Variants in GCNT1 observed in about 807,000 individuals in gnomAD.
GCNT1 encodes the protein beta-1,3-galactosyl-O-glycosyl-glycoprotein beta-1,6-N-acetylglucosaminyltransferase.
In GCNT1, 16 loss-of-function variants were observed where a neutral mutation model predicts 26.2. The ratio of observed to expected loss-of-function variants is 0.61; its 90% CI spans 0.41 to 0.93. The LOEUF is 0.93. Ranked by LOEUF, GCNT1 falls within the 40% of genes least tolerant of loss-of-function variation. The probability of loss-of-function intolerance (pLI) is 0.00; values close to 1 mark genes in which losing one functional copy is unlikely to be tolerated. For missense variants in GCNT1, 477 were observed against 526.7 expected (o/e 0.91, Z 0.92); for synonymous variants, 183 against 190.8 (o/e 0.96, Z 0.34).
At chr9:76,491,558 C>G (rs933167996) in intron 2 of GCNT1, among the ~76,000 whole-genome samples, 1 of 152,208 alleles carries the variant, frequency 6.6e-6, no homozygotes, top group Non-Finnish European at 1.5e-5. Flanking sequence ...ACTGGTTCTG[C>G]TAACTGGGCG....
At chr9:76,424,424 G>C (rs1235378643) in intron 1 of GCNT1, among the ~76,000 whole-genome samples, 1 of 152,136 alleles carries the variant, frequency 6.6e-6, no homozygotes, top group East Asian at 1.9e-4. Context: ...AAAAGACCTA[G>C]GTCCATTTTC....
In GCNT1 at chr9:76,464,070, A is replaced by T. The variant is rs540802338; in HGVS notation, c.-290+3893A>T. Among the ~76,000 whole-genome samples, 24 of 151,764 alleles carry T rather than the reference A, an allele frequency of 1.6e-4. No homozygotes were observed. In the East Asian group the frequency reaches 4.1e-3, roughly 26 times the overall value. ...TTTTTTTTTGTAAAAATAATAATAA[A>T]AAAAAGGCTGAAGGATTAGTAGGAG... On this transcript the variant is annotated intron_variant, in intron 2 of 3. Transcript: ENST00000376730.
chr9:76,472,749 CTT>C (rs869071794), intron 2 of GCNT1, among the ~76,000 whole-genome samples: 11 of 31,418 alleles, frequency 3.5e-4, no homozygotes, highest in Admixed American at 1.8e-3. Flanking sequence ...CTTTTCTTTT[CTT>C]TTTTTTTTTT....
Position 76,504,715 on chromosome 9 carries a change from T to C in GCNT1, c.*1047T>C. 2.4e-6 allele frequency: 1 copy of C among 413,408 alleles called. No individual in the cohort carries two copies. Among genetic ancestry groups the C allele is most frequent in the Non-Finnish European group, 4.4e-6 (1 of 226,130 alleles). 25.6% of individuals were successfully genotyped at this position (413,408 alleles called of 1,614,324 possible). A position where few individuals can be genotyped will look rare whatever the true frequency, so the allele number is the denominator to read the frequency against. ...TTATTGAATCCACTTGTGTCCAACC[T>C]CCCAGGATTGTTTTATCCTAATGTC... On this transcript the variant is annotated 3_prime_UTR_variant, in exon 4 of 4. Coordinates refer to ENST00000376730, the MANE Select transcript of GCNT1 (RefSeq NM_001490.5).
At chr9:76,406,012 A>G in the GCNT1 span, among the ~76,000 whole-genome samples, 1 of 152,236 alleles carries the variant, frequency 6.6e-6, no homozygotes, top group East Asian at 1.9e-4. Context: ...CCCACCAGCA[A>G]TTAAGGAGAG....
At chr9:76,394,413 C>T in the GCNT1 span, 18 of 446,418 alleles carry the variant, frequency 4.0e-5, no homozygotes, top group Non-Finnish European at 6.7e-5. Flanking sequence ...GCAGCGGAGA[C>T]AGCCGAAGTA....
chr9:76,432,883 G>GT (rs1359805722), intron 1 of GCNT1, among the ~76,000 whole-genome samples: 1 of 151,862 alleles, frequency 6.6e-6, no homozygotes, highest in Non-Finnish European at 1.5e-5. Flanking sequence ...TTTCCTAATT[G>GT]TTTTTTTACA....
upstream of GCNT1, among the ~76,000 whole-genome samples, chr9:76,458,924 G>A (rs12236543): frequency 6.6e-4 from 101 of 152,358 alleles, 2 homozygotes; most frequent in East Asian, 0.019. Flanking sequence ...AGGAAGGGAG[G>A]CATAAAATGT....
chr9:76,471,602 A>G (rs1010743228), intron 2 of GCNT1, among the ~76,000 whole-genome samples: 1 of 152,226 alleles, frequency 6.6e-6, no homozygotes, highest in Non-Finnish European at 1.5e-5. Context: ...TGAAAATAAG[A>G]GGCATGGCTA....
chr9:76,484,367 C>G (rs1271952384), intron 2 of GCNT1, among the ~76,000 whole-genome samples: 3 of 142,690 alleles, frequency 2.1e-5, no homozygotes, highest in Non-Finnish European at 4.5e-5. Context: ...GAGACCCTGT[C>G]TTAAAAAAAA....
At chr9:76,407,529 T>C in the GCNT1 span, among the ~76,000 whole-genome samples, 1 of 152,216 alleles carries the variant, frequency 6.6e-6, no homozygotes, top group Non-Finnish European at 1.5e-5. Context: ...TGTAGCTTTA[T>C]AGTAAATCGT....
chr9:76,470,548 G>A (rs1406551056), intron 2 of GCNT1, among the ~76,000 whole-genome samples: 1 of 145,628 alleles, frequency 6.9e-6, no homozygotes, highest in Non-Finnish European at 1.5e-5. Flanking sequence ...AGGCTGTGGT[G>A]AACTGTGATT....
In GCNT1 at chr9:76,481,200, C is replaced by T. The variant is rs150289541; in HGVS notation, c.-289-19716C>T. Reference sequence around the variant, plus strand: ...CAGCCTGGGCAACAGAGCAAGACTCCGTCTCAAAATAAATAAATACATATA... The same window carrying T: ...CAGCCTGGGCAACAGAGCAAGACTCTGTCTCAAAATAAATAAATACATATA... On this transcript the variant is annotated intron_variant, in intron 2 of 3. Coordinates refer to ENST00000376730, the MANE Select transcript of GCNT1 (RefSeq NM_001490.5). Among the ~76,000 whole-genome samples the T allele has an allele frequency of 2.1e-3, 323 of 151,746 alleles. 1 individual carries two copies. The highest frequency in any genetic ancestry group is 7.0e-3 in the African/African-American group (289 of 41,384).
At chr9:76,491,760 A>G (rs1391026673) in intron 2 of GCNT1, among the ~76,000 whole-genome samples, 1 of 152,180 alleles carries the variant, frequency 6.6e-6, no homozygotes, top group Non-Finnish European at 1.5e-5. Flanking sequence ...GTTGGCAGTC[A>G]TGCTCAACTG....
chr9:76,490,628 A>G (rs1304597748), intron 2 of GCNT1, among the ~76,000 whole-genome samples: 1 of 152,252 alleles, frequency 6.6e-6, no homozygotes, highest in African/African-American at 2.4e-5. Context: ...TGCTATTAAT[A>G]AAACCTTGTT....
intron 2 of GCNT1, among the ~76,000 whole-genome samples, chr9:76,479,452 G>A (rs928520372): frequency 6.6e-6 from 1 of 152,186 alleles, no homozygotes; most frequent in Non-Finnish European, 1.5e-5. Context: ...TTCCACAATG[G>A]TTGAACCAGT....
At chr9:76,500,005 T>C (rs1825018218) in intron 2 of GCNT1, among the ~76,000 whole-genome samples, 1 of 152,188 alleles carries the variant, frequency 6.6e-6, no homozygotes, top group Non-Finnish European at 1.5e-5. Context: ...TTTGAACATA[T>C]TTATAAGAGC....
the GCNT1 span, chr9:76,394,463 G>A: frequency 6.3e-6 from 2 of 317,916 alleles, no homozygotes; most frequent in South Asian, 1.1e-4. Flanking sequence ...GGGGCGGCCC[G>A]AAGCGCAGAG....
intron 1 of GCNT1, among the ~76,000 whole-genome samples, chr9:76,422,832 C>T (rs971351585): frequency 1.3e-5 from 2 of 152,222 alleles, no homozygotes; most frequent in Non-Finnish European, 2.9e-5. Context: ...GGATCATAGG[C>T]ATGAGTCACT....
Sources: gnomAD v4.1 joint callset for allele counts (sites outside exome capture counted in the v4.1 genomes callset) on GRCh38, gnomAD v4.1.1 for gene constraint, MANE v1.5 for transcripts, NCBI Gene and HGNC (gene_info 2026-07-23, HGNC 2026-07-21) for gene names.